The following PSCA variants were observed in gnomAD, a reference collection of about 807,000 sequenced individuals.
The protein encoded by PSCA is prostate stem cell antigen.
PSCA carries 7 observed loss-of-function variants against 7.9 expected under a neutral mutation model. The ratio of observed to expected loss-of-function variants is 0.89; its 90% CI spans 0.51 to 1.67. The LOEUF (loss-of-function observed/expected upper bound fraction) is 1.67. PSCA is among the 40% of genes most tolerant of loss of function. The probability of loss-of-function intolerance (pLI) is 0.00; values close to 1 mark genes in which losing one functional copy is unlikely to be tolerated. For synonymous variants in PSCA, 61 were observed against 68.3 expected (o/e 0.89, Z 0.53); for missense variants, 151 against 147.9 (o/e 1.02, Z -0.11).
In PSCA at chr8:142,682,200, C is replaced by T. The variant is rs2976393; in HGVS notation, c.*68C>T. On this transcript the variant is annotated 3_prime_UTR_variant, in exon 3 of 3. Transcript: ENST00000301258. ...CCAGGCCTCTGTGCCACTCCTCACA[C>T]ACCCGGCCCAGTGGGAGCCTGTCCT... is the stretch of plus-strand genomic sequence containing the variant. 8 of 1,509,832 alleles carry T rather than the reference C, an allele frequency of 5.3e-6. No individual in the cohort carries two copies. Among genetic ancestry groups the T allele is most frequent in the Non-Finnish European group, 8.9e-7 (1 of 1,118,156 alleles). The allele number at this position is 1,509,832 out of a possible 1,614,324, so 93.5% of individuals were successfully genotyped here.
rs368292242 is a variant in PSCA, at chr8:142,681,902, G to A, written c.134-19G>A. The A allele has an allele frequency of 1.3e-4, 194 of 1,508,126 alleles. No homozygotes were observed. Among genetic ancestry groups the A allele is most frequent in the East Asian group, 5.2e-4 (21 of 40,690 alleles). 93.4% of individuals were successfully genotyped at this position (1,508,126 alleles called of 1,614,324 possible). ...GAGCACACAGGGCAGCCCCATCCCC[G>A]GATCCCGCTGCTCCCCAGGCGCAGT... On this transcript the variant is annotated intron_variant, in intron 2 of 2. Transcript: ENST00000301258.
intron 1 of PSCA, among the ~76,000 whole-genome samples, chr8:142,670,967 G>A (rs909434460): frequency 3.9e-5 from 6 of 152,108 alleles, no homozygotes; most frequent in Non-Finnish European, 5.9e-5. Context: ...ACATCTTCCC[G>A]TATACGTTAA....
chr8:142,679,086 G>C (rs934288388), upstream of PSCA, among the ~76,000 whole-genome samples: 1 of 152,268 alleles, frequency 6.6e-6, no homozygotes, highest in Non-Finnish European at 1.5e-5. Context: ...TGACTGGCAG[G>C]AGAGCTGGCC....
rs1587548931 is a variant in PSCA at position 142,682,703 on chromosome 8, A to C, written c.*571A>C. ...AGCCTCAGCACAGCGTAGGCCCTTA[A>C]TAAACACCTGTTGGATAAGCCAGAG... On this transcript the variant is annotated 3_prime_UTR_variant, in exon 3 of 3. Transcript: ENST00000301258. The C allele has an allele frequency of 9.7e-6, 3 of 307,980 alleles. No individual in the cohort carries two copies. The East Asian group carries it at 2.4e-4, about 24-fold the overall frequency. The allele number at this position is 307,980 out of a possible 1,614,324, so 19.1% of individuals were successfully genotyped here. A position where few individuals can be genotyped will look rare whatever the true frequency, so the allele number is the denominator to read the frequency against.
Position 142,682,323 on chromosome 8 carries a change from C to G in PSCA, c.*191C>G, listed in dbSNP as rs1285401987. On this transcript the variant is annotated 3_prime_UTR_variant, in exon 3 of 3. Coordinates refer to ENST00000301258, the MANE Select transcript of PSCA (RefSeq NM_005672.5). ...CATGGCCCTCTCCAGGACTCCCACC[C>G]GGCAGATCGGCTCTATTGACACAGA... 21 of 745,398 alleles carry G rather than the reference C, an allele frequency of 2.8e-5. No homozygotes were observed. Among genetic ancestry groups the G allele is most frequent in the Non-Finnish European group, 4.0e-5 (17 of 425,282 alleles). The allele number at this position is 745,398 out of a possible 1,614,324, so 46.2% of individuals were successfully genotyped here. A position where few individuals can be genotyped will look rare whatever the true frequency, so the allele number is the denominator to read the frequency against.
intron 1 of PSCA, among the ~76,000 whole-genome samples, chr8:142,674,912 G>T (rs988466765): frequency 5.9e-5 from 9 of 152,216 alleles, no homozygotes; most frequent in African/African-American, 2.2e-4. Flanking sequence ...TCAGGTCCTC[G>T]CTGGGCCACA....
Position 142,680,756 on chromosome 8 carries a change from G to A in PSCA, c.25+193G>A, listed in dbSNP as rs587665033. On this transcript the variant is annotated intron_variant, in intron 1 of 2. Coordinates refer to ENST00000301258, the MANE Select transcript of PSCA (RefSeq NM_005672.5). ...ACCAGGCAGCGACCTGTTCCCTGCC[G>A]TCCCCTGTGACCGGGGCTTGCAGGG... The A allele has an allele frequency of 1.2e-3, 876 of 712,588 alleles. 10 individuals carry two copies. The highest frequency in any genetic ancestry group is 2.5e-4 in the Non-Finnish European group (106 of 430,784). 44.1% of individuals were successfully genotyped at this position (712,588 alleles called of 1,614,324 possible). A position where few individuals can be genotyped will look rare whatever the true frequency, so the allele number is the denominator to read the frequency against.
At chr8:142,681,584 GT>G in intron 2 of PSCA, 150 bp downstream of exon 2, 1 of 697,314 alleles carries the variant, frequency 1.4e-6, no homozygotes, top group Non-Finnish European at 2.5e-6. Context: ...CCCAGCATCT[GT>G]CCCTCCAGCC....
chr8:142,681,620 C>G (rs1404949811), intron 2 of PSCA, 186 bp downstream of exon 2: 8 of 644,050 alleles, frequency 1.2e-5, no homozygotes, highest in Non-Finnish European at 2.0e-5. Context: ...GCCACTCCTC[C>G]ACTCATCTGT....
chr8:142,681,228 C>T (rs1814624612), intron 1 of PSCA, 99 bp from the exon 2 acceptor site: 1 of 861,874 alleles, frequency 1.2e-6, no homozygotes, highest in South Asian at 1.7e-5. Flanking sequence ...CCGAGGACTT[C>T]CTCAGGCCAC....
chr8:142,676,856 G>A (rs781844696), upstream of PSCA, among the ~76,000 whole-genome samples: 9 of 152,230 alleles, frequency 5.9e-5, no homozygotes, highest in South Asian at 2.1e-4. Flanking sequence ...CCTGTCCACC[G>A]GATGAGGATC....
upstream of PSCA, chr8:142,680,464 C>A: frequency 6.6e-7 from 1 of 1,521,500 alleles, no homozygotes; most frequent in Admixed American, 2.0e-5. Context: ...CCATTTGAGG[C>A]CATATAAAGT....
chr8:142,679,899 T>C (rs1228241099), upstream of PSCA: 3 of 152,362 alleles, frequency 2.0e-5, no homozygotes, highest in African/African-American at 7.2e-5. Flanking sequence ...CCCTTTGCTG[T>C]CATGGCCTGA....
At chr8:142,680,366 GGGAGGAGACT>G, upstream of PSCA, 3 of 675,626 alleles carry the variant, frequency 4.4e-6, no homozygotes, top group Non-Finnish European at 7.9e-6. Flanking sequence ...AGGTCGCTCA[GGGAGGAGACT>G]CGGACCTGCC....
intron 1 of PSCA, among the ~76,000 whole-genome samples, chr8:142,670,779 G>A (rs1277458093): frequency 2.0e-5 from 3 of 152,172 alleles, no homozygotes; most frequent in African/African-American, 7.2e-5. Context: ...GACTGCAAAT[G>A]CAATGAAGTT....
In PSCA at chr8:142,673,537, GAGAA is replaced by G. The variant is rs1459433060; in HGVS notation, n.261+2973_261+2976del. On this transcript the variant is annotated intron_variant and non_coding_transcript_variant, in intron 1 of 1. Transcript: ENST00000505305. The surrounding 1 kb of genome is among the most constrained non-coding windows in gnomAD (Gnocchi z 4.6). Reference sequence around the variant, plus strand: ...TTAGCAAGACAGGGGAATTGCCATAGAGAAAGAGTTTAATTCATGCAGAGCCAGC... The same window carrying G: ...TTAGCAAGACAGGGGAATTGCCATAGAGAGTTTAATTCATGCAGAGCCAGC... 1.3e-5 allele frequency among the ~76,000 whole-genome samples: 2 copies of G among 152,238 alleles called. No individual in the cohort carries two copies. Among genetic ancestry groups the G allele is most frequent in the African/African-American group, 4.8e-5 (2 of 41,460 alleles).
At chr8:142,670,465 C>G (rs1303231866) in exon 1 of PSCA, 1 of 152,322 alleles carries the variant, frequency 6.6e-6, no homozygotes, top group East Asian at 1.9e-4. Context: ...GACCAGTGCT[C>G]AGCCCGCCTG....
In PSCA at chr8:142,673,024, C is replaced by A. The variant is rs587695288; in HGVS notation, n.261+2456C>A. On this transcript the variant is annotated intron_variant and non_coding_transcript_variant, in intron 1 of 1. Coordinates refer to the PSCA transcript ENST00000505305. The surrounding 1 kb of genome is among the most constrained non-coding windows in gnomAD (Gnocchi z 4.6). ...GATGGAGCTGCCATTTTGATCATGC[C>A]TAGTCTCAGGTAGCTTTTTCCCATT... Among the ~76,000 whole-genome samples the A allele has an allele frequency of 9.7e-4, 148 of 152,296 alleles. 1 individual carries two copies. Among genetic ancestry groups the A allele is most frequent in the African/African-American group, 3.4e-3 (143 of 41,566 alleles).
rs2978982 is a variant in PSCA at position 142,682,072 on chromosome 8, T to G, written c.285T>G (p.Ala95=). 6.2e-7 allele frequency: 1 copy of G among 1,608,506 alleles called. No homozygotes were observed. The highest frequency in any genetic ancestry group is 2.2e-5 in the East Asian group (1 of 44,864). Residue 95 remains alanine, a synonymous_variant, in exon 3 of 3, where the codon GCT becomes GCG. Coordinates refer to ENST00000301258, the MANE Select transcript of PSCA (RefSeq NM_005672.5). The part of the protein sequence containing the change: ...ASGAHALQPA[A]AILALLPALG... ...GGGCCCATGCCCTGCAGCCGGCTGC[T>G]GCCATCCTTGCGCTGCTCCCTGCAC...
Sources: allele counts gnomAD v4.1 joint callset (sites outside exome capture counted in the v4.1 genomes callset), GRCh38; gene constraint gnomAD v4.1.1; non-coding constraint Gnocchi (gnomAD v3.1); transcripts MANE v1.5; gene names NCBI Gene and HGNC (gene_info 2026-07-23, HGNC 2026-07-21).